Variants in NMD3 observed in about 807,000 individuals in gnomAD.
NMD3 encodes the protein NMD3 ribosome export adaptor, also known as 60S ribosomal export protein NMD3.
A neutral mutation model predicts 73.1 loss-of-function variants in NMD3; 47 were observed. The observed-to-expected ratio is 0.64, with a 90% CI of 0.51 to 0.82. The LOEUF is 0.82. Among genes scored for constraint, NMD3 ranks in the 40% least tolerant of loss-of-function variants. The pLI is 0.00. For missense variants in NMD3, 554 were observed against 612.5 expected, an observed-to-expected ratio of 0.90 and a Z score of 1.01; for synonymous variants, 210 against 194.5, an observed-to-expected ratio of 1.08 and a Z score of -0.66.
Position 161,234,899 on chromosome 3 carries a change from G to A in NMD3, c.486+44G>A, listed in dbSNP as rs191692127. ...GAGTGAGTCCTACATCTTATATTTC[G>A]TCTTTGTTAATTATAACTTTTCCTT... On this transcript the variant is annotated intron_variant, in intron 6 of 15. Transcript: ENST00000351193. 279 of 1,597,920 alleles carry A rather than the reference G, an allele frequency of 1.7e-4. 1 individual carries two copies. The East Asian group carries it at 5.6e-3, about 32-fold the overall frequency.
In NMD3 at chr3:161,234,813, A is replaced by C. The variant is rs201639333; in HGVS notation, c.444A>C (p.Glu148Asp). The change falls in exon 6 of 16, where the codon GAA (glutamate) becomes GAC (aspartate). Residue 148 changes from glutamate (E) to aspartate (D), a missense_variant. Physicochemically the swap from Glu to Asp is conservative, Grantham distance 45. Transcript: ENST00000351193. The stretch of plus-strand genomic sequence containing the variant: ...TGTGTGGAGATTGCCATAGAGTAGA[A>C]GCTAAGGATTTCTGGAAGGCTGTGA... ...SQMCGDCHRV[E>D]AKDFWKAVIQ... The C allele has an allele frequency of 1.4e-4, 224 of 1,613,306 alleles. No homozygotes were observed. The highest frequency in any genetic ancestry group is 1.8e-4 in the Non-Finnish European group (215 of 1,179,592).
In NMD3 at chr3:161,250,850, T is replaced by G. The variant is rs1375109618; in HGVS notation, c.1452T>G (p.Leu484=). ...CTCGAATTAGTCTGGCTGAGATGCT[T>G]GAAGACCTTCATATTTCCCAAGATG... ...GAPRISLAEM[L]EDLHISQDAT... The change falls in exon 16 of 16, where the codon CTT becomes CTG. Residue 484 remains leucine (L), a synonymous_variant. Transcript: ENST00000351193. 5 of 1,612,426 alleles carry G rather than the reference T, an allele frequency of 3.1e-6. No individual in the cohort carries two copies. The Admixed American group carries it at 6.7e-5, about 22-fold the overall frequency.
chr3:161,230,375 G>C (rs990740999), intron 4 of NMD3, among the ~76,000 whole-genome samples: 1 of 152,116 alleles, frequency 6.6e-6, no homozygotes, highest in East Asian at 1.9e-4. Context: ...GAGCTCAAGC[G>C]ATCCTCCTGC....
intron 5 of NMD3, 147 bp downstream of exon 5, chr3:161,233,626 C>A: frequency 1.9e-6 from 1 of 518,614 alleles, no homozygotes; most frequent in Non-Finnish European, 3.4e-6. Flanking sequence ...AGCATCTGTA[C>A]AAATAATTAG....
chr3:161,252,796 T>G (rs1030177187), downstream of NMD3: 4 of 693,672 alleles, frequency 5.8e-6, no homozygotes, highest in African/African-American at 7.0e-5. Context: ...GCTGCTGATT[T>G]AGAGTCAGAA....
chr3:161,232,764 C>T (rs1047216803), intron 4 of NMD3, among the ~76,000 whole-genome samples: 5 of 152,136 alleles, frequency 3.3e-5, no homozygotes, highest in African/African-American at 1.2e-4. Flanking sequence ...TTCAGATCAT[C>T]TACAATCTGG....
intron 13 of NMD3, among the ~76,000 whole-genome samples, chr3:161,247,745 C>T (rs566548523): frequency 3.1e-4 from 47 of 149,926 alleles, no homozygotes; most frequent in East Asian, 2.4e-3. Flanking sequence ...GCTGAGATTG[C>T]GCCGTTGCAC....
chr3:161,233,113 C>CTT (rs71628446), intron 4 of NMD3, among the ~76,000 whole-genome samples: 4 of 146,252 alleles, frequency 2.7e-5, no homozygotes, highest in South Asian at 2.1e-4. Context: ...GGACAATGTA[C>CTT]TTTTTTTTTT....
At chr3:161,221,153 T>G (rs1183722683), upstream of NMD3, 1 of 152,108 alleles carries the variant, frequency 6.6e-6, no homozygotes, top group African/African-American at 2.4e-5. Flanking sequence ...TGACGGCAAA[T>G]GAGCCCCTGG....
At chr3:161,239,199 CAA>C (rs1206040393) in intron 9 of NMD3, among the ~76,000 whole-genome samples, 1 of 151,936 alleles carries the variant, frequency 6.6e-6, no homozygotes, top group Non-Finnish European at 1.5e-5. Flanking sequence ...TATGTACAAA[CAA>C]AATTTTGGCA....
In NMD3 at chr3:161,248,409, G is replaced by A. The variant is rs1182516530; in HGVS notation, c.1204-1045G>A. ...GGAGGCTGAGGCAGGAGAATTGCTTGAACCTGGGAAGTGGAGGTTGCAGTG... is the reference window on the plus strand; with the variant it reads ...GGAGGCTGAGGCAGGAGAATTGCTTAAACCTGGGAAGTGGAGGTTGCAGTG... On this transcript the variant is annotated intron_variant, in intron 13 of 15. Coordinates refer to ENST00000351193, the MANE Select transcript of NMD3 (RefSeq NM_015938.5). Among the ~76,000 whole-genome samples the A allele has an allele frequency of 2.0e-5, 3 of 152,084 alleles. No homozygotes were observed. In the East Asian group the frequency reaches 5.8e-4, roughly 30 times the overall value.
At chr3:161,234,051 G>A (rs533999148) in intron 5 of NMD3, among the ~76,000 whole-genome samples, 1 of 152,120 alleles carries the variant, frequency 6.6e-6, no homozygotes, top group African/African-American at 2.4e-5. Flanking sequence ...TGTTCAATCT[G>A]TATTTAAAAA....
In NMD3 at chr3:161,221,407, G is replaced by T. The variant is rs1236411905; in HGVS notation, c.-23G>T. 6.6e-6 allele frequency: 1 copy of T among 152,378 alleles called. No homozygotes were observed. The highest frequency in any genetic ancestry group is 1.5e-5 in the Non-Finnish European group (1 of 68,152). 9.4% of individuals were successfully genotyped at this position (152,378 alleles called of 1,614,324 possible). On this transcript the variant is annotated splice_region_variant and 5_prime_UTR_variant, in exon 1 of 16. Coordinates refer to ENST00000351193, the MANE Select transcript of NMD3 (RefSeq NM_015938.5). ...AAATCCAGGGCTGGTCTGGAGGCGC[G>T]AAGTAGGTTCCGGAGTCCGAGACCT... is the stretch of plus-strand genomic sequence containing the variant.
intron 2 of NMD3, among the ~76,000 whole-genome samples, 167 bp downstream of exon 2, chr3:161,222,224 A>G (rs191110076): frequency 2.1e-3 from 323 of 152,312 alleles, no homozygotes; most frequent in African/African-American, 7.6e-3. Context: ...GTTTCTGGTT[A>G]TAAAGCTTGT....
chr3:161,224,900 T>C (rs1387090125), intron 2 of NMD3, 30 bp from the exon 3 acceptor site: 2 of 1,551,072 alleles, frequency 1.3e-6, no homozygotes, highest in Non-Finnish European at 8.7e-7. Context: ...AAAAATCTAA[T>C]GTGAAAAATT....
intron 4 of NMD3, among the ~76,000 whole-genome samples, chr3:161,231,730 CTT>C (rs946615639): frequency 8.5e-5 from 13 of 152,074 alleles, no homozygotes; most frequent in African/African-American, 3.1e-4. Flanking sequence ...TCAGTTATCA[CTT>C]TATATAGCTG....
At chr3:161,234,164 TC>T (rs1736650608) in intron 5 of NMD3, among the ~76,000 whole-genome samples, 1 of 152,086 alleles carries the variant, frequency 6.6e-6, no homozygotes, top group Admixed American at 6.6e-5. Flanking sequence ...GGATGATTTT[TC>T]TATGTAAACA....
intron 9 of NMD3, 77 bp downstream of exon 9, chr3:161,238,903 C>T: frequency 1.5e-6 from 1 of 684,204 alleles, no homozygotes; most frequent in Admixed American, 3.1e-5. Context: ...ATTTGTAGCT[C>T]CTGGTTTTCC....
Position 161,241,174 on chromosome 3 carries a change from G to A in NMD3, c.871+11G>A. ...CAAACACCCTACAAGGTAAATTCTG[G>A]AAATGATTTGCCTTGACAATTTTGT... On this transcript the variant is annotated intron_variant, in intron 10 of 15. Coordinates refer to ENST00000351193, the MANE Select transcript of NMD3 (RefSeq NM_015938.5). 1 of 1,473,472 alleles carries A rather than the reference G, an allele frequency of 6.8e-7. No individual in the cohort carries two copies. The allele number at this position is 1,473,472 out of a possible 1,614,324, so 91.3% of individuals were successfully genotyped here.
Sources: gnomAD v4.1 joint callset for allele counts (sites outside exome capture counted in the v4.1 genomes callset) on GRCh38, gnomAD v4.1.1 for gene constraint, MANE v1.5 for transcripts, NCBI Gene and HGNC (gene_info 2026-07-23, HGNC 2026-07-21) for gene names.